The following CCND2 variants were observed in gnomAD, a reference collection of about 807,000 sequenced individuals.
The protein encoded by CCND2 is G1/S-specific cyclin-D2.
CCND2 carries 6 observed loss-of-function variants against 30.2 expected under a neutral mutation model. That is an observed-to-expected ratio of 0.20 (90% CI 0.11 to 0.39). CCND2 has a LOEUF of 0.39. Among genes scored for constraint, CCND2 ranks in the 10% least tolerant of loss-of-function variants. The probability of loss-of-function intolerance (pLI) is 1.00; values close to 1 mark genes in which losing one functional copy is unlikely to be tolerated. For missense variants in CCND2, 235 were observed against 373.4 expected (o/e 0.63, Z 3.06); for synonymous variants, 150 against 153.1 (o/e 0.98, Z 0.15).
rs977209924 is a variant in CCND2, at chr12:4,288,175, T to C, written c.572-667T>C. Among the ~76,000 whole-genome samples the C allele has an allele frequency of 4.0e-5, 6 of 151,848 alleles. No individual in the cohort carries two copies. The South Asian group carries it at 1.2e-3, about 32-fold the overall frequency. ...CCAGAGGTTGGGAACTGGGTGGAACTCAGCCCCCACTCGCCCACTCCCTGC... is the reference window on the plus strand; with the variant it reads ...CCAGAGGTTGGGAACTGGGTGGAACCCAGCCCCCACTCGCCCACTCCCTGC... On this transcript the variant is annotated intron_variant, in intron 3 of 4. Coordinates refer to ENST00000261254, the MANE Select transcript of CCND2 (RefSeq NM_001759.4).
At position 4,304,864 on chromosome 12, in the gene CCND2, C is replaced by G. The variant is rs1486270854; in HGVS notation, c.*4855C>G. On this transcript the variant is annotated 3_prime_UTR_variant, in exon 5 of 5. Transcript: ENST00000261254. This position sits in a 1 kb window ranked among gnomAD's most constrained non-coding sequence, Gnocchi z 6.2. ...TAACTGCTGGCCAACTCTTACATCCCCAGCAAATCATCGGGCCATTGGATT... is the reference window on the plus strand; with the variant it reads ...TAACTGCTGGCCAACTCTTACATCCGCAGCAAATCATCGGGCCATTGGATT... The G allele has an allele frequency of 4.3e-6, 1 of 233,554 alleles. No individual in the cohort carries two copies. Among genetic ancestry groups the G allele is most frequent in the Non-Finnish European group, 8.5e-6 (1 of 118,050 alleles). 14.5% of individuals were successfully genotyped at this position (233,554 alleles called of 1,614,324 possible).
Position 4,274,529 on chromosome 12 carries a change from C to G in CCND2, c.195+294C>G, listed in dbSNP as rs374938078. On this transcript the variant is annotated intron_variant, in intron 1 of 4. Transcript: ENST00000261254. The surrounding 1 kb of genome is among the most constrained non-coding windows in gnomAD (Gnocchi z 7.7). ...ATGTGGCTGCCTCTTCTTCCCACCC[C>G]CCTCGCGACCTGTCTTTTGCGAAGC... Among the ~76,000 whole-genome samples, 12 of 152,320 alleles carry G rather than the reference C, an allele frequency of 7.9e-5. No homozygotes were observed. The highest frequency in any genetic ancestry group is 2.1e-4 in the South Asian group (1 of 4,830).
At chr12:4,296,704 G>GA (rs1864174545) in intron 4 of CCND2, among the ~76,000 whole-genome samples, 4 of 98,176 alleles carry the variant, frequency 4.1e-5, no homozygotes, top group Non-Finnish European at 2.1e-5. Context: ...TGCCTCTTGG[G>GA]GAAAAAAAAA....
At position 4,300,872 on chromosome 12, in the gene CCND2, G is replaced by T. The variant is rs1245110411; in HGVS notation, c.*863G>T. The T allele has an allele frequency of 4.3e-6, 1 of 233,578 alleles. No homozygotes were observed. The highest frequency in any genetic ancestry group is 5.6e-5 in the Admixed American group (1 of 17,786). 14.5% of individuals were successfully genotyped at this position (233,578 alleles called of 1,614,324 possible). ...CTTTTCTGTTATTGTATTTAAAAGG[G>T]TAATGTGGCCTTGGCATTTCTTCTT... On this transcript the variant is annotated 3_prime_UTR_variant, in exon 5 of 5. Transcript: ENST00000261254.
chr12:4,290,657 C>G (rs768281987), intron 4 of CCND2, among the ~76,000 whole-genome samples: 1 of 151,928 alleles, frequency 6.6e-6, no homozygotes, highest in Non-Finnish European at 1.5e-5. Context: ...GGCTGACCAC[C>G]CTACCGGCTC....
intron 3 of CCND2, among the ~76,000 whole-genome samples, chr12:4,283,937 T>C (rs1186151373): frequency 6.6e-6 from 1 of 152,224 alleles, no homozygotes; most frequent in African/African-American, 2.4e-5. Flanking sequence ...GGGGACTCGA[T>C]GATGTCATTT....
Position 4,274,288 on chromosome 12 carries a change from G to A in CCND2, c.195+53G>A. The A allele has an allele frequency of 1.3e-6, 2 of 1,582,276 alleles. No individual in the cohort carries two copies. Among genetic ancestry groups the A allele is most frequent in the Non-Finnish European group, 1.7e-6 (2 of 1,157,232 alleles). On this transcript the variant is annotated intron_variant, in intron 1 of 4. Transcript: ENST00000261254. The surrounding 1 kb of genome is among the most constrained non-coding windows in gnomAD (Gnocchi z 7.7). ...AGCCAGGACCCCTCCGGATGCTCGG[G>A]TCCCCGGCCGGAGCCCTAAACCTGG...
rs1332970569 is a variant in CCND2, at chr12:4,276,355, A to G, written c.411+135A>G. On this transcript the variant is annotated intron_variant, in intron 2 of 4. Coordinates refer to ENST00000261254, the MANE Select transcript of CCND2 (RefSeq NM_001759.4). This position sits in a 1 kb window ranked among gnomAD's most constrained non-coding sequence, Gnocchi z 4.8. ...CCCCACCAATAGAATTTACCCACTT[A>G]TGGGCGATAGCTCATTTAATAGGAA... is the stretch of plus-strand genomic sequence containing the variant. 1.5e-6 allele frequency: 1 copy of G among 680,730 alleles called. No homozygotes were observed. Among genetic ancestry groups the G allele is most frequent in the African/African-American group, 1.8e-5 (1 of 55,394 alleles). The allele number at this position is 680,730 out of a possible 1,614,324, so 42.2% of individuals were successfully genotyped here.
At position 4,274,248 on chromosome 12, in the gene CCND2, G is replaced by T. The variant is rs772607278; in HGVS notation, c.195+13G>T. On this transcript the variant is annotated intron_variant, in intron 1 of 4. Coordinates refer to ENST00000261254, the MANE Select transcript of CCND2 (RefSeq NM_001759.4). This position sits in a 1 kb window ranked among gnomAD's most constrained non-coding sequence, Gnocchi z 7.7. ...CTGGATGCTGGAGGTAGGTCGGGGG[G>T]TGGCGCTCGCCAGGAGCCAGGACCC... 1 of 1,612,854 alleles carries T rather than the reference G, an allele frequency of 6.2e-7. No homozygotes were observed. The highest frequency in any genetic ancestry group is 1.7e-5 in the Admixed American group (1 of 59,966).
chr12:4,285,511 G>A lies in CCND2; in HGVS notation c.572-3331G>A. Reference sequence around the variant, plus strand: ...TGTGTTTCTCCCACCTAACAGAACAGCTTTTATTTTCCGTGCATCCTTCCA... The same window carrying A: ...TGTGTTTCTCCCACCTAACAGAACAACTTTTATTTTCCGTGCATCCTTCCA... On this transcript the variant is annotated intron_variant, in intron 3 of 4. Coordinates refer to ENST00000261254, the MANE Select transcript of CCND2 (RefSeq NM_001759.4). The surrounding 1 kb of genome is among the most constrained non-coding windows in gnomAD (Gnocchi z 4.1). 1 of 748,576 alleles carries A rather than the reference G, an allele frequency of 1.3e-6. No homozygotes were observed. Among genetic ancestry groups the A allele is most frequent in the Non-Finnish European group, 1.6e-6 (1 of 613,842 alleles). The allele number at this position is 748,576 out of a possible 1,614,324, so 46.4% of individuals were successfully genotyped here.
intron 1 of CCND2, 33 bp from the exon 2 acceptor site, chr12:4,275,972 C>G: frequency 7.7e-7 from 1 of 1,303,150 alleles, no homozygotes; most frequent in Non-Finnish European, 1.1e-6. Context: ...CTCTCCACCC[C>G]CGCCCCCCAA....
chr12:4,292,766 G>A (rs375453904), intron 4 of CCND2, among the ~76,000 whole-genome samples: 3 of 152,134 alleles, frequency 2.0e-5, no homozygotes, highest in African/African-American at 7.2e-5. Flanking sequence ...CTGTAGGGGG[G>A]ACGTCTATTG....
intron 4 of CCND2, chr12:4,298,107 A>G (rs1003442749): frequency 4.8e-5 from 8 of 166,664 alleles, no homozygotes; most frequent in Admixed American, 3.0e-4. Context: ...CTGCACATAT[A>G]TCAGTATCAT....
At chr12:4,291,550 A>T (rs1009634637) in intron 4 of CCND2, among the ~76,000 whole-genome samples, 2 of 152,168 alleles carry the variant, frequency 1.3e-5, no homozygotes, top group Non-Finnish European at 2.9e-5. Context: ...ATGAAGCAAG[A>T]GTAAAGCGTG....
At chr12:4,294,779 A>G (rs948437543) in intron 4 of CCND2, among the ~76,000 whole-genome samples, 1 of 152,182 alleles carries the variant, frequency 6.6e-6, no homozygotes, top group South Asian at 2.1e-4. Context: ...TGGACCTCCA[A>G]ATTCTCCAAG....
At chr12:4,292,448 G>T (rs1456062802) in intron 4 of CCND2, among the ~76,000 whole-genome samples, 1 of 152,108 alleles carries the variant, frequency 6.6e-6, no homozygotes, top group Non-Finnish European at 1.5e-5. Context: ...TAGGTCGTGG[G>T]TTGTCGGGGA....
intron 2 of CCND2, among the ~76,000 whole-genome samples, chr12:4,278,318 T>A (rs917104413): frequency 6.6e-5 from 10 of 152,202 alleles, no homozygotes; most frequent in African/African-American, 2.4e-4. Flanking sequence ...GCATCATTTT[T>A]CCATGAAGAT....
intron 3 of CCND2, among the ~76,000 whole-genome samples, chr12:4,286,411 T>C (rs1864023073): frequency 6.6e-6 from 1 of 152,234 alleles, no homozygotes; most frequent in Non-Finnish European, 1.5e-5. Context: ...GGAGGGCTGA[T>C]GTTGCCTCAG....
In CCND2 at chr12:4,293,900, A is replaced by G. The variant is rs1864132374; in HGVS notation, c.720+4910A>G. Among the ~76,000 whole-genome samples, 1 of 152,128 alleles carries G rather than the reference A, an allele frequency of 6.6e-6. No individual in the cohort carries two copies. The highest frequency in any genetic ancestry group is 2.4e-5 in the African/African-American group (1 of 41,422). Reference sequence around the variant, plus strand: ...AGCTGGGGGTGGGGAGGTGGAATAGAATCGGGGGCTGATGCCTCCCTCTCC... The same window carrying G: ...AGCTGGGGGTGGGGAGGTGGAATAGGATCGGGGGCTGATGCCTCCCTCTCC... On this transcript the variant is annotated intron_variant, in intron 4 of 4. Transcript: ENST00000261254. This position sits in a 1 kb window ranked among gnomAD's most constrained non-coding sequence, Gnocchi z 4.9.
Sources: gnomAD v4.1 joint callset for allele counts (sites outside exome capture counted in the v4.1 genomes callset) on GRCh38, gnomAD v4.1.1 for gene constraint, Gnocchi (gnomAD v3.1) non-coding constraint, MANE v1.5 for transcripts, NCBI Gene and HGNC (gene_info 2026-07-23, HGNC 2026-07-21) for gene names.